The following DLG2 variants were observed in gnomAD, a reference collection of about 807,000 sequenced individuals.
The protein encoded by DLG2 is disks large homolog 2.
DLG2 carries 45 observed loss-of-function variants against 132.5 expected under a neutral mutation model. That is an observed-to-expected ratio of 0.34 (90% CI 0.27 to 0.44). The LOEUF (loss-of-function observed/expected upper bound fraction) is 0.44. Ranked by LOEUF, DLG2 falls within the 20% of genes least tolerant of loss-of-function variation. The probability of loss-of-function intolerance (pLI) is 1.00; values close to 1 mark genes in which losing one functional copy is unlikely to be tolerated. For synonymous variants in DLG2, 424 were observed against 419.6 expected (o/e 1.01, Z -0.13); for missense variants, 1,045 against 1,196.9 (o/e 0.87, Z 1.87).
Position 85,624,321 on chromosome 11 carries a change from C to T in DLG2, c.-93+2266G>A, listed in dbSNP as rs556305969. ...TGCATGGTATCAGTAAAAGAATCTCCTCTCTCTTTGACAAAAATATACTAA... is the reference window on the plus strand; with the variant it reads ...TGCATGGTATCAGTAAAAGAATCTCTTCTCTCTTTGACAAAAATATACTAA... On this transcript the variant is annotated intron_variant, in intron 2 of 27. Coordinates refer to ENST00000376104, the MANE Select transcript of DLG2 (RefSeq NM_001142699.3). Among the ~76,000 whole-genome samples, 43 of 152,280 alleles carry T rather than the reference C, an allele frequency of 2.8e-4. No individual in the cohort carries two copies. In the South Asian group the frequency reaches 8.9e-3, roughly 32 times the overall value.
At chr11:83,660,717 T>G (rs1488261191) in intron 18 of DLG2, among the ~76,000 whole-genome samples, 1 of 152,152 alleles carries the variant, frequency 6.6e-6, no homozygotes, top group African/African-American at 2.4e-5. Flanking sequence ...CAAGGCAGTA[T>G]AGACAGAAGG....
intron 3 of DLG2, among the ~76,000 whole-genome samples, chr11:85,464,176 T>C (rs2092708634): frequency 6.6e-6 from 1 of 152,184 alleles, no homozygotes; most frequent in Admixed American, 6.5e-5. Context: ...TGCAGAATCT[T>C]GTACTTATAC....
chr11:84,998,389 A>T (rs531720853), intron 6 of DLG2, among the ~76,000 whole-genome samples: 1 of 152,154 alleles, frequency 6.6e-6, no homozygotes, highest in Non-Finnish European at 1.5e-5. Context: ...CTCTGTGAAG[A>T]AGTACCTTCC....
At chr11:84,549,942 G>A (rs2099398417) in intron 6 of DLG2, among the ~76,000 whole-genome samples, 1 of 151,918 alleles carries the variant, frequency 6.6e-6, no homozygotes, top group Admixed American at 6.6e-5. Context: ...TTTAAGTAGA[G>A]ACAGTGTTTC....
intron 6 of DLG2, among the ~76,000 whole-genome samples, chr11:84,713,785 T>C (rs995608808): frequency 8.5e-5 from 13 of 152,138 alleles, no homozygotes; most frequent in African/African-American, 2.9e-4. Context: ...ATTTTACTTA[T>C]TCTATCCTAT....
chr11:83,688,641 A>T (rs1343967231), intron 18 of DLG2, among the ~76,000 whole-genome samples: 3 of 152,222 alleles, frequency 2.0e-5, no homozygotes, highest in African/African-American at 7.2e-5. Flanking sequence ...GTGCATACAT[A>T]TAAACATAAG....
chr11:84,940,812 A>T (rs4272807), intron 6 of DLG2, among the ~76,000 whole-genome samples: 78,751 of 152,024 alleles, frequency 0.52, 20,698 homozygotes, highest in East Asian at 0.67. Context: ...CAGACCAATG[A>T]CCTAGAGAGT....
chr11:85,577,784 A>G (rs1472968603), intron 3 of DLG2, among the ~76,000 whole-genome samples: 1 of 152,176 alleles, frequency 6.6e-6, no homozygotes, highest in Non-Finnish European at 1.5e-5. Context: ...ATGGATAGGA[A>G]GAATCAATAT....
At chr11:83,795,122 T>A (rs1252259531) in intron 17 of DLG2, among the ~76,000 whole-genome samples, 2 of 152,060 alleles carry the variant, frequency 1.3e-5, no homozygotes, top group Non-Finnish European at 2.9e-5. Flanking sequence ...ATATTTATAT[T>A]CCGGCCAGGC....
At chr11:84,360,701 A>C (rs549763363) in intron 7 of DLG2, among the ~76,000 whole-genome samples, 2 of 152,038 alleles carry the variant, frequency 1.3e-5, no homozygotes, top group South Asian at 4.1e-4. Context: ...AAGGATAAGA[A>C]GGACTATCAT....
At chr11:84,411,306 G>A (rs1215515858) in intron 7 of DLG2, among the ~76,000 whole-genome samples, 4 of 152,198 alleles carry the variant, frequency 2.6e-5, no homozygotes, top group Non-Finnish European at 4.4e-5. Flanking sequence ...ATATGCTGAT[G>A]TTTATGAATA....
intron 16 of DLG2, among the ~76,000 whole-genome samples, chr11:83,862,939 A>G (rs2154052051): frequency 6.6e-6 from 1 of 152,286 alleles, no homozygotes; most frequent in African/African-American, 2.4e-5. Flanking sequence ...GGTAGGACCT[A>G]GCAGCTACCC....
intron 3 of DLG2, among the ~76,000 whole-genome samples, chr11:85,574,842 C>A (rs1461761191): frequency 6.6e-6 from 1 of 152,110 alleles, no homozygotes; most frequent in Non-Finnish European, 1.5e-5. Flanking sequence ...GCCAAATAAA[C>A]CTCTTTTCTT....
intron 4 of DLG2, among the ~76,000 whole-genome samples, chr11:85,156,404 G>C (rs187992026): frequency 1.2e-4 from 18 of 152,260 alleles, no homozygotes; most frequent in Admixed American, 6.5e-4. Context: ...TAAATTAGAT[G>C]AAAAGTTGAT....
chr11:84,138,881 G>A (rs2094716087), intron 9 of DLG2, among the ~76,000 whole-genome samples: 2 of 151,334 alleles, frequency 1.3e-5, no homozygotes, highest in African/African-American at 2.4e-5. Context: ...CCCAAGAGGG[G>A]GAAGTTGCAA....
chr11:85,226,729 C>T (rs766433379), intron 4 of DLG2, among the ~76,000 whole-genome samples: 1 of 152,042 alleles, frequency 6.6e-6, no homozygotes, highest in Non-Finnish European at 1.5e-5. Flanking sequence ...AAATTTAACA[C>T]AACAGAAAAA....
chr11:84,835,471 T>C (rs1267797875), intron 6 of DLG2, among the ~76,000 whole-genome samples: 3 of 151,696 alleles, frequency 2.0e-5, no homozygotes, highest in Non-Finnish European at 4.4e-5. Flanking sequence ...TCAATTTATA[T>C]AGTGCATATG....
intron 6 of DLG2, among the ~76,000 whole-genome samples, chr11:84,619,714 TA>T (rs1324435600): frequency 6.6e-6 from 1 of 151,534 alleles, no homozygotes; most frequent in African/African-American, 2.4e-5. Flanking sequence ...AGAGAACTGA[TA>T]AAAAAATTCT....
intron 6 of DLG2, among the ~76,000 whole-genome samples, chr11:84,821,162 T>C (rs2077628319): frequency 1.3e-5 from 2 of 151,918 alleles, no homozygotes; most frequent in Admixed American, 1.3e-4. Flanking sequence ...TTCATTTGAG[T>C]GCTAAACAAT....
Sources: allele counts gnomAD v4.1 joint callset (sites outside exome capture counted in the v4.1 genomes callset), GRCh38; gene constraint gnomAD v4.1.1; transcripts MANE v1.5; gene names NCBI Gene and HGNC (gene_info 2026-07-23, HGNC 2026-07-21).